HOXA3: variants seen among roughly 807,000 people sequenced by gnomAD.
HOXA3 encodes the protein homeobox protein Hox-A3.
HOXA3 carries 8 observed loss-of-function variants against 30.3 expected under a neutral mutation model. The ratio of observed to expected loss-of-function variants is 0.26; its 90% CI spans 0.15 to 0.48. The LOEUF (loss-of-function observed/expected upper bound fraction) is 0.48, where lower values mean the gene tolerates loss of function less well. HOXA3 is among the 20% of genes least tolerant of loss of function. The pLI is 0.99. For synonymous variants in HOXA3, 323 were observed against 273.1 expected (o/e 1.18, Z -1.80); for missense variants, 653 against 614.4 (o/e 1.06, Z -0.66).
At chr7:27,130,885 C>T in intron 2 of HOXA3, 1 of 746,776 alleles carries the variant, frequency 1.3e-6, no homozygotes, top group South Asian at 1.6e-5. Flanking sequence ...CCTCCCCCTC[C>T]CGCAGACGCC....
chr7:27,134,533 T>C (rs1785658245), intron 2 of HOXA3, among the ~76,000 whole-genome samples: 1 of 152,150 alleles, frequency 6.6e-6, no homozygotes, highest in Non-Finnish European at 1.5e-5. Flanking sequence ...AATAAAAAGG[T>C]TTTTCCCAAA....
Position 27,110,350 on chromosome 7 carries a change from G to A in HOXA3, c.291C>T (p.Ala97=), listed in dbSNP as rs1205317798. ...EPPLHPPPPQ[A]APPAPQPPQP... is the part of the protein sequence containing the mutation. ...GAGGCGGCTGTGGGGCAGGGGGCGC[G>A]GCCTGGGGCGGCGGCGGGTGCAGGG... The change falls in exon 5 of 6, where the codon GCC becomes GCT. Residue 97 remains alanine, a synonymous_variant. Coordinates refer to ENST00000612286, the MANE Select transcript of HOXA3 (RefSeq NM_153631.3). 2.0e-6 allele frequency: 3 copies of A among 1,504,104 alleles called. No homozygotes were observed. The highest frequency in any genetic ancestry group is 2.7e-6 in the Non-Finnish European group (3 of 1,131,116). 93.2% of individuals were successfully genotyped at this position (1,504,104 alleles called of 1,614,324 possible).
At chr7:27,124,503 G>C (rs890943476) in intron 3 of HOXA3, 5 of 152,268 alleles carry the variant, frequency 3.3e-5, no homozygotes, top group African/African-American at 1.2e-4. Flanking sequence ...GATCTGGTGA[G>C]GGCCTGCCAG....
At chr7:27,141,723 G>A (rs1393073470) in intron 1 of HOXA3, 10 of 1,366,172 alleles carry the variant, frequency 7.3e-6, no homozygotes, top group Non-Finnish European at 9.0e-6. Context: ...TTAGGGCAAC[G>A]AGAACAGGGC....
At chr7:27,112,626 T>C (rs1784439813) in intron 4 of HOXA3, among the ~76,000 whole-genome samples, 2 of 152,238 alleles carry the variant, frequency 1.3e-5, no homozygotes, top group African/African-American at 4.8e-5. Context: ...AGCAATTTAG[T>C]GTATCCGTTT....
At chr7:27,129,719 A>T in intron 2 of HOXA3, 1 of 888,154 alleles carries the variant, frequency 1.1e-6, no homozygotes, top group East Asian at 2.6e-5. Flanking sequence ...CAAGATACAT[A>T]AAACGGCAAA....
At chr7:27,145,203 G>C (rs1451653990) in intron 1 of HOXA3, among the ~76,000 whole-genome samples, 2 of 152,184 alleles carry the variant, frequency 1.3e-5, no homozygotes, top group Admixed American at 6.5e-5. Flanking sequence ...GATGCCCTTC[G>C]GGACTTACTG....
At chr7:27,136,698 C>G (rs1583401326) in intron 2 of HOXA3, among the ~76,000 whole-genome samples, 1 of 152,198 alleles carries the variant, frequency 6.6e-6, no homozygotes, top group East Asian at 1.9e-4. Flanking sequence ...AGGGCTGCTT[C>G]ACAAAATCGC....
In HOXA3 at chr7:27,116,933, A is replaced by G. The variant is rs572556908; in HGVS notation, c.-121+5626T>C. ...GTAGTAAATCCCACTCAAGTAGGGG[A>G]TGCCTGATTTGATTTTTTTTTCACG... On this transcript the variant is annotated intron_variant, in intron 4 of 5. Coordinates refer to ENST00000612286, the MANE Select transcript of HOXA3 (RefSeq NM_153631.3). Among the ~76,000 whole-genome samples, 3 of 152,164 alleles carry G rather than the reference A, an allele frequency of 2.0e-5. No homozygotes were observed. The East Asian group carries it at 5.8e-4, about 29-fold the overall frequency.
chr7:27,130,680 AG>A lies in HOXA3; in HGVS notation c.-389-3611del, dbSNP rs752351668. The stretch of plus-strand genomic sequence containing the variant: ...TGTGCTGCGCGTACTCCTCGAAGGG[AG>A]GGAACTTGGGCTCGATGTAGTTGGA... On this transcript the variant is annotated intron_variant, in intron 2 of 5. Coordinates refer to ENST00000612286, the MANE Select transcript of HOXA3 (RefSeq NM_153631.3). The A allele has an allele frequency of 3.1e-6, 5 of 1,608,048 alleles. No individual in the cohort carries two copies. In the Admixed American group the frequency reaches 6.7e-5, roughly 22 times the overall value.
intron 4 of HOXA3, chr7:27,115,430 T>G (rs909407471): frequency 6.6e-6 from 1 of 152,220 alleles, no homozygotes; most frequent in African/African-American, 2.4e-5. Flanking sequence ...CGGCATTTTC[T>G]CTTCAAACCC....
At chr7:27,119,330 A>G (rs1345854159) in intron 4 of HOXA3, among the ~76,000 whole-genome samples, 4 of 152,086 alleles carry the variant, frequency 2.6e-5, no homozygotes, top group Non-Finnish European at 5.9e-5. Context: ...CTATAGAGAT[A>G]TCAACTCAAA....
At chr7:27,130,067 C>G (rs1562722461) in intron 2 of HOXA3, 4 of 1,538,518 alleles carry the variant, frequency 2.6e-6, no homozygotes, top group Non-Finnish European at 3.5e-6. Context: ...ACCCTCGAAC[C>G]CAGGCCCAGC....
chr7:27,141,542 T>G, intron 1 of HOXA3: 1 of 265,940 alleles, frequency 3.8e-6, no homozygotes, highest in Non-Finnish European at 7.1e-6. Flanking sequence ...TTTTCTCTTT[T>G]CTTTTTTTGT....
Position 27,108,843 on chromosome 7 carries a change from GAGA to G in HOXA3, c.527-126_527-124del, listed in dbSNP as rs1784195319. The G allele has an allele frequency of 2.9e-6, 2 of 685,156 alleles. No homozygotes were observed. Among genetic ancestry groups the G allele is most frequent in the African/African-American group, 1.8e-5 (1 of 55,456 alleles). 42.4% of individuals were successfully genotyped at this position (685,156 alleles called of 1,614,324 possible). A position where few individuals can be genotyped will look rare whatever the true frequency, so the allele number is the denominator to read the frequency against. On this transcript the variant is annotated intron_variant, in intron 5 of 5. Transcript: ENST00000612286. This position sits in a 1 kb window ranked among gnomAD's most constrained non-coding sequence, Gnocchi z 5.0. ...GTTCCTGCATCCGTCAGGTCCCAGAGAGAAGTAGGAACTAGGTGCTATCCTCTC... is the reference window on the plus strand; with the variant it reads ...GTTCCTGCATCCGTCAGGTCCCAGAGAGTAGGAACTAGGTGCTATCCTCTC...
intron 2 of HOXA3, among the ~76,000 whole-genome samples, chr7:27,127,338 T>C (rs1038006721): frequency 7.2e-5 from 11 of 152,176 alleles, no homozygotes; most frequent in Admixed American, 5.2e-4. Flanking sequence ...CAGAGACTGG[T>C]ATCTATCACT....
chr7:27,130,670 C>T (rs1472978199), intron 2 of HOXA3: 1 of 1,607,530 alleles, frequency 6.2e-7, no homozygotes. Context: ...TGCGCGTACT[C>T]CTCGAAGGGA....
At chr7:27,129,883 C>A in intron 2 of HOXA3, 1 of 608,688 alleles carries the variant, frequency 1.6e-6, no homozygotes, top group Non-Finnish European at 2.9e-6. Context: ...ACTGCCCTAA[C>A]AGTTTGGCGT....
At chr7:27,129,649 T>G in intron 2 of HOXA3, 1 of 1,515,672 alleles carries the variant, frequency 6.6e-7, no homozygotes, top group Admixed American at 1.8e-5. Context: ...AGAGAGAAGG[T>G]GGGGTGGGGA....
Sources: allele counts gnomAD v4.1 joint callset (sites outside exome capture counted in the v4.1 genomes callset), GRCh38; gene constraint gnomAD v4.1.1; non-coding constraint Gnocchi (gnomAD v3.1); transcripts MANE v1.5; gene names NCBI Gene and HGNC (gene_info 2026-07-23, HGNC 2026-07-21).